The following MYH15 variants were observed in gnomAD, a reference collection of about 807,000 sequenced individuals.
The protein encoded by MYH15 is myosin heavy chain 15.
In MYH15, 227 loss-of-function variants were observed where a neutral mutation model predicts 240.5. The ratio of observed to expected loss-of-function variants is 0.94; its 90% confidence interval spans 0.85 to 1.05. The LOEUF (loss-of-function observed/expected upper bound fraction) is 1.05, where lower values mean the gene tolerates loss of function less well. MYH15 is among the 50% of genes least tolerant of loss of function. MYH15 has a pLI of 0.00. For missense variants in MYH15, 2,217 were observed against 2,247.5 expected, an observed-to-expected ratio of 0.99 and a Z score of 0.27; for synonymous variants, 785 against 796.7, an observed-to-expected ratio of 0.99 and a Z score of 0.25.
At chr3:108,475,820 A>C (rs1187879250) in intron 12 of MYH15, among the ~76,000 whole-genome samples, 1 of 152,174 alleles carries the variant, frequency 6.6e-6, no homozygotes, top group Non-Finnish European at 1.5e-5. Flanking sequence ...TGGCCCTGGG[A>C]ATATTTACTG....
chr3:108,459,528 A>C lies in MYH15; in HGVS notation c.1933-79T>G, dbSNP rs1460080680. 6.4e-6 allele frequency: 5 copies of C among 785,690 alleles called. No individual in the cohort carries two copies. The African/African-American group carries it at 7.1e-5, about 11-fold the overall frequency. 48.7% of individuals were successfully genotyped at this position (785,690 alleles called of 1,614,324 possible). On this transcript the variant is annotated intron_variant, in intron 17 of 40. Transcript: ENST00000693548. Reference sequence around the variant, plus strand: ...CCAATCCACCTCACAAATGTCTCCAAATCTATCAACTTAATCTCACAGCCA... The same window carrying C: ...CCAATCCACCTCACAAATGTCTCCACATCTATCAACTTAATCTCACAGCCA...
the MYH15 span, among the ~76,000 whole-genome samples, chr3:108,535,055 T>C: frequency 6.6e-6 from 1 of 152,200 alleles, no homozygotes; most frequent in African/African-American, 2.4e-5. Context: ...TATCTCAAAA[T>C]AGGTGTGGAA....
At chr3:108,484,238 A>G (rs1025056430) in intron 11 of MYH15, among the ~76,000 whole-genome samples, 7 of 152,066 alleles carry the variant, frequency 4.6e-5, no homozygotes, top group Non-Finnish European at 7.4e-5. Flanking sequence ...AATTGTGGGG[A>G]TTTATTTTAA....
intron 2 of MYH15, among the ~76,000 whole-genome samples, chr3:108,505,243 A>T (rs2107244076): frequency 6.6e-6 from 1 of 152,152 alleles, no homozygotes; most frequent in Admixed American, 6.6e-5. Context: ...TTCTTCATTA[A>T]ATCTTTGATG....
At chr3:108,505,690 G>T in intron 2 of MYH15, 33 bp downstream of exon 2, 1 of 1,236,436 alleles carries the variant, frequency 8.1e-7, no homozygotes, top group Non-Finnish European at 1.2e-6. Context: ...AGAGAACATA[G>T]TCATCACTGC....
At chr3:108,499,261 CA>C (rs1408254506) in intron 5 of MYH15, among the ~76,000 whole-genome samples, 193 bp downstream of exon 5, 9 of 152,300 alleles carry the variant, frequency 5.9e-5, no homozygotes, top group African/African-American at 1.9e-4. Flanking sequence ...TAGCTGACCC[CA>C]TATTTGGAGT....
intron 11 of MYH15, among the ~76,000 whole-genome samples, chr3:108,480,406 G>A (rs1017065245): frequency 6.6e-5 from 10 of 152,150 alleles, no homozygotes; most frequent in East Asian, 5.8e-4. Context: ...TGAGAAAAGC[G>A]GGTGACTTCT....
intron 1 of MYH15, among the ~76,000 whole-genome samples, chr3:108,508,487 C>T (rs1357057599): frequency 6.6e-6 from 1 of 152,128 alleles, no homozygotes; most frequent in Admixed American, 6.6e-5. Context: ...TCTCTTTTGG[C>T]CTTCGTATTC....
Position 108,428,478 on chromosome 3 carries a change from A to T in MYH15, c.3702+14T>A. On this transcript the variant is annotated intron_variant, in intron 27 of 40. Transcript: ENST00000693548. ...ATGTTCAGAAGACCACGAGGATGGC[A>T]TGGGAGTATCTACCTTAGCTCTTGT... 1.3e-6 allele frequency: 2 copies of T among 1,594,424 alleles called. No individual in the cohort carries two copies. Among genetic ancestry groups the T allele is most frequent in the Non-Finnish European group, 1.7e-6 (2 of 1,167,694 alleles).
chr3:108,541,805 G>A, the MYH15 span, among the ~76,000 whole-genome samples: 1 of 152,004 alleles, frequency 6.6e-6, no homozygotes, highest in Non-Finnish European at 1.5e-5. Context: ...TTATGAAACT[G>A]TCAAAAATGA....
chr3:108,531,969 T>C (rs1424641009), upstream of MYH15, among the ~76,000 whole-genome samples: 5 of 152,046 alleles, frequency 3.3e-5, no homozygotes, highest in African/African-American at 4.8e-5. Flanking sequence ...GAAAAACAAC[T>C]GTCAGATTTG....
intron 37 of MYH15, among the ~76,000 whole-genome samples, chr3:108,390,284 G>T (rs752649189): frequency 2.6e-5 from 4 of 152,142 alleles, no homozygotes; most frequent in Non-Finnish European, 5.9e-5. Flanking sequence ...TATCATGGTT[G>T]TGTCTTTAAG....
chr3:108,518,149 T>C (rs2083588873), intron 1 of MYH15, among the ~76,000 whole-genome samples: 1 of 152,216 alleles, frequency 6.6e-6, no homozygotes, highest in Admixed American at 6.5e-5. Context: ...GTTTTATACA[T>C]AATAACTCTT....
intron 26 of MYH15, among the ~76,000 whole-genome samples, chr3:108,430,242 T>C (rs4855652): frequency 0.84 from 127,177 of 152,244 alleles, 53,618 homozygotes; most frequent in Non-Finnish European, 0.87. Flanking sequence ...TTATTTAGCT[T>C]CAAAGGGAAA....
the MYH15 span, among the ~76,000 whole-genome samples, chr3:108,538,411 A>G: frequency 6.6e-6 from 1 of 152,220 alleles, no homozygotes; most frequent in Non-Finnish European, 1.5e-5. Context: ...TTGCAGATAA[A>G]GCATTTGATA....
chr3:108,455,474 T>G (rs1293122525), intron 20 of MYH15, among the ~76,000 whole-genome samples: 1 of 152,234 alleles, frequency 6.6e-6, no homozygotes, highest in East Asian at 1.9e-4. Context: ...ATCAGGTTGA[T>G]TCAGTATTTT....
chr3:108,456,787 T>C lies in MYH15; in HGVS notation c.2117A>G (p.Gln706Arg). 1.9e-6 allele frequency: 3 copies of C among 1,612,748 alleles called. No individual in the cohort carries two copies. The highest frequency in any genetic ancestry group is 2.5e-6 in the Non-Finnish European group (3 of 1,178,832). The stretch of plus-strand genomic sequence containing the variant: ...TTACCTTTGTTTAAAATCAGCATAC[T>C]GCAGTCGGTTTGGAAAACCTTCACG... ...ICREGFPNRL[Q>R]YADFKQRYCI... is the part of the protein sequence containing the mutation. The change falls in exon 19 of 41, where the codon CAG (glutamine) becomes CGG (arginine). Residue 706 changes from glutamine to arginine, a missense_variant. Physicochemically the swap from Gln to Arg is conservative, Grantham distance 43. Coordinates refer to ENST00000693548, the MANE Select transcript of MYH15 (RefSeq NM_014981.3).
chr3:108,467,967 AC>A (rs2083134584), intron 14 of MYH15, among the ~76,000 whole-genome samples: 1 of 149,184 alleles, frequency 6.7e-6, no homozygotes, highest in South Asian at 2.1e-4. Flanking sequence ...TTTGATATAA[AC>A]TTTTTTTTTT....
rs769813232 is a variant in MYH15 at position 108,470,175 on chromosome 3, T to C, written c.1421A>G (p.Asn474Ser). The part of the protein sequence containing the change: ...SLEQLCINFT[N>S]EKLQQFFNWH... The stretch of plus-strand genomic sequence containing the variant: ...ATTGAAGAATTGTTGTAATTTTTCA[T>C]TGGTAAAATTAATGCAAAGTTGCTC... Residue 474 changes from asparagine (N) to serine (S), a missense_variant, in exon 14 of 41, where the codon AAT becomes AGT. Physicochemically the swap from Asn to Ser is conservative, Grantham distance 46 (BLOSUM62 1). Transcript: ENST00000693548. 5.0e-6 allele frequency: 8 copies of C among 1,609,772 alleles called. No homozygotes were observed. Among genetic ancestry groups the C allele is most frequent in the Non-Finnish European group, 6.8e-6 (8 of 1,178,128 alleles).
Sources: allele counts gnomAD v4.1 joint callset (sites outside exome capture counted in the v4.1 genomes callset), GRCh38; gene constraint gnomAD v4.1.1; transcripts MANE v1.5; gene names NCBI Gene and HGNC (gene_info 2026-07-23, HGNC 2026-07-21).